The following MARK2 variants were observed in gnomAD, a reference collection of about 807,000 sequenced individuals.
MARK2 encodes microtubule affinity regulating kinase 2.
A neutral mutation model predicts 89.8 loss-of-function variants in MARK2; 16 were observed. That is an observed-to-expected ratio of 0.18 (90% CI 0.12 to 0.27). The LOEUF (loss-of-function observed/expected upper bound fraction) is 0.27, where lower values mean the gene tolerates loss of function less well. Among genes scored for constraint, MARK2 ranks in the 10% least tolerant of loss-of-function variants. The probability of loss-of-function intolerance (pLI) is 1.00; values close to 1 mark genes in which losing one functional copy is unlikely to be tolerated. For missense variants in MARK2, 621 were observed against 1,049.9 expected, an observed-to-expected ratio of 0.59 and a Z score of 5.65; for synonymous variants, 382 against 399.5, an observed-to-expected ratio of 0.96 and a Z score of 0.52.
intron 1 of MARK2, among the ~76,000 whole-genome samples, chr11:63,877,100 CTTTTTTTTTTTTTTTT>C (rs757123411): frequency 5.0e-5 from 4 of 79,526 alleles, no homozygotes; most frequent in East Asian, 6.2e-4. Flanking sequence ...CAATCAGACT[CTTTTTTTTTTTTTTTT>C]TTTTTTTTTT....
chr11:63,847,447 T>C (rs2016339962), intron 1 of MARK2, among the ~76,000 whole-genome samples: 1 of 152,126 alleles, frequency 6.6e-6, no homozygotes. Context: ...CTTTTTGGCC[T>C]TTTTCTTTTT....
chr11:63,858,529 CT>C (rs957948787), intron 1 of MARK2, among the ~76,000 whole-genome samples: 1 of 151,908 alleles, frequency 6.6e-6, no homozygotes, highest in African/African-American at 2.4e-5. Context: ...AATTTTTGTA[CT>C]TTTAGTAGAG....
chr11:63,848,019 A>C (rs2016366303), intron 1 of MARK2, among the ~76,000 whole-genome samples: 1 of 152,210 alleles, frequency 6.6e-6, no homozygotes, highest in Non-Finnish European at 1.5e-5. Context: ...GCTCTTTGGC[A>C]GCTTACAGGG....
intron 7 of MARK2, 123 bp from the exon 8 acceptor site, chr11:63,899,751 T>G: frequency 4.2e-6 from 3 of 722,048 alleles, no homozygotes; most frequent in Non-Finnish European, 5.0e-6. Context: ...CTGAAATTGG[T>G]GGAGAAAGTT....
At chr11:63,865,000 C>T (rs1262058529) in intron 1 of MARK2, among the ~76,000 whole-genome samples, 5 of 152,276 alleles carry the variant, frequency 3.3e-5, no homozygotes, top group Admixed American at 3.3e-4. Flanking sequence ...AGCAATCCTC[C>T]CACCTCAGCC....
At chr11:63,898,914 T>C in intron 6 of MARK2, 81 bp downstream of exon 6, 1 of 1,363,802 alleles carries the variant, frequency 7.3e-7, no homozygotes, top group Non-Finnish European at 1.0e-6. Flanking sequence ...TGCCTGTCTG[T>C]AAGTGGCCCT....
intron 1 of MARK2, among the ~76,000 whole-genome samples, chr11:63,875,814 C>A (rs1032891701): frequency 1.3e-5 from 2 of 152,210 alleles, no homozygotes; most frequent in African/African-American, 4.8e-5. Context: ...GGCAGACACA[C>A]TCAGGAGCTG....
intron 3 of MARK2, among the ~76,000 whole-genome samples, chr11:63,897,606 T>C (rs1435909436): frequency 6.6e-6 from 1 of 152,268 alleles, no homozygotes. Context: ...ATTTCTGTCA[T>C]CTTTCTTTAT....
At chr11:63,862,028 A>G (rs566375037) in intron 1 of MARK2, among the ~76,000 whole-genome samples, 5 of 151,242 alleles carry the variant, frequency 3.3e-5, no homozygotes, top group East Asian at 1.9e-4. Flanking sequence ...GGTTCAAGCA[A>G]TTCTCCTGCC....
At chr11:63,841,490 C>T (rs1236806923) in intron 1 of MARK2, among the ~76,000 whole-genome samples, 2 of 152,242 alleles carry the variant, frequency 1.3e-5, no homozygotes, top group African/African-American at 2.4e-5. Context: ...CAGTCTTTCT[C>T]TCCCTTGCCT....
intron 1 of MARK2, among the ~76,000 whole-genome samples, chr11:63,855,355 C>T (rs2016786633): frequency 6.6e-6 from 1 of 152,064 alleles, no homozygotes. Context: ...CTCATCATCT[C>T]TGCTAAAATG....
At chr11:63,876,867 T>G (rs1938789679) in intron 1 of MARK2, among the ~76,000 whole-genome samples, 1 of 152,116 alleles carries the variant, frequency 6.6e-6, no homozygotes, top group African/African-American at 2.4e-5. Flanking sequence ...TCCCAGCCAC[T>G]TGTTAATGGG....
At chr11:63,863,443 T>TCCCCCACCCCCCCAC (rs773817476) in intron 1 of MARK2, among the ~76,000 whole-genome samples, 1 of 97,584 alleles carries the variant, frequency 1.0e-5, no homozygotes, top group African/African-American at 4.0e-5. Context: ...ACTATTGCCC[T>TCCCCCACCCCCCCAC]CCCCCACCCC....
chr11:63,894,421 G>A (rs3019785), intron 1 of MARK2, among the ~76,000 whole-genome samples: 40,758 of 152,196 alleles, frequency 0.27, 6,996 homozygotes, highest in Non-Finnish European at 0.38. Flanking sequence ...TTATGGCTGG[G>A]CGCAGTGGCT....
intron 1 of MARK2, among the ~76,000 whole-genome samples, chr11:63,870,757 A>C (rs1938399808): frequency 6.6e-6 from 1 of 152,236 alleles, no homozygotes; most frequent in Non-Finnish European, 1.5e-5. Context: ...TGCAGGGATC[A>C]GGAAAGCTTC....
intron 1 of MARK2, among the ~76,000 whole-genome samples, chr11:63,841,080 C>T (rs1267133850): frequency 1.3e-5 from 2 of 152,146 alleles, no homozygotes; most frequent in African/African-American, 2.4e-5. Flanking sequence ...GCTTCTGCCC[C>T]GGGGCTGCTG....
Position 63,903,114 on chromosome 11 carries a change from G to T in MARK2, c.1470G>T (p.Glu490Asp). Reference protein sequence around the residue: ...TNRSRNSPLLERASLGQASIQ... With the variant: ...TNRSRNSPLLDRASLGQASIQ... ...GAAGCAGGAATTCCCCACTTTTGGA[G>T]CGGGCCAGCCTCGGCCAGGCCTCCA... The change falls in exon 14 of 19, where the codon GAG (glutamate) becomes GAT (aspartate). Residue 490 changes from glutamate (E) to aspartate (D), a missense_variant. This residue lies in a region of MARK2 where 397 missense variants were observed against 567.8 expected (regional missense o/e 0.70). Coordinates refer to ENST00000402010, the MANE Select transcript of MARK2 (RefSeq NM_001039469.3). This position sits in a 1 kb window ranked among gnomAD's most constrained non-coding sequence, Gnocchi z 5.1. 2 of 1,614,036 alleles carry T rather than the reference G, an allele frequency of 1.2e-6. No homozygotes were observed. Among genetic ancestry groups the T allele is most frequent in the African/African-American group, 2.7e-5 (2 of 75,048 alleles).
At chr11:63,847,339 A>T (rs1053552513) in intron 1 of MARK2, among the ~76,000 whole-genome samples, 8 of 152,160 alleles carry the variant, frequency 5.3e-5, no homozygotes, top group Non-Finnish European at 5.9e-5. Context: ...AGAGGAGGGG[A>T]GATGGACACT....
intron 1 of MARK2, among the ~76,000 whole-genome samples, chr11:63,844,425 A>G (rs1410101535): frequency 1.3e-5 from 2 of 152,182 alleles, no homozygotes; most frequent in Non-Finnish European, 2.9e-5. Context: ...TCGAGACTGC[A>G]TTGAGCTGTG....
Sources: gnomAD v4.1 joint callset for allele counts (sites outside exome capture counted in the v4.1 genomes callset) on GRCh38, gnomAD v4.1.1 for gene constraint, gnomAD v4.1.1 regional missense constraint, Gnocchi (gnomAD v3.1) non-coding constraint, MANE v1.5 for transcripts, NCBI Gene and HGNC (gene_info 2026-07-23, HGNC 2026-07-21) for gene names.